The following TEX36 variants were observed in gnomAD, a reference collection of about 807,000 sequenced individuals.
The protein encoded by TEX36 is testis expressed 36.
TEX36 carries 12 observed loss-of-function variants against 13.6 expected under a neutral mutation model. The ratio of observed to expected loss-of-function variants is 0.88; its 90% CI spans 0.56 to 1.43. TEX36 has a LOEUF of 1.43. Among genes scored for constraint, TEX36 ranks in the 40% most tolerant of loss-of-function variants. The pLI is 0.00. For missense variants in TEX36, 224 were observed against 228.3 expected, an observed-to-expected ratio of 0.98 and a Z score of 0.12; for synonymous variants, 93 against 83.0, an observed-to-expected ratio of 1.12 and a Z score of -0.65.
intron 3 of TEX36, among the ~76,000 whole-genome samples, chr10:125,578,775 G>A (rs988599022): frequency 5.3e-5 from 8 of 152,138 alleles, no homozygotes; most frequent in African/African-American, 1.9e-4. Flanking sequence ...CCACAGGAGT[G>A]AGAGCAACCT....
intron 3 of TEX36, among the ~76,000 whole-genome samples, chr10:125,593,061 G>T (rs901880934): frequency 6.6e-6 from 1 of 152,182 alleles, no homozygotes; most frequent in East Asian, 1.9e-4. Flanking sequence ...CTGGCCACTG[G>T]TGATGAAATC....
At chr10:125,638,180 C>T (rs1846642960) in intron 3 of TEX36, among the ~76,000 whole-genome samples, 1 of 151,878 alleles carries the variant, frequency 6.6e-6, no homozygotes, top group African/African-American at 2.4e-5. Context: ...CCCCATCCCC[C>T]ACTGCCAGAA....
intron 1 of TEX36, chr10:125,667,568 A>C: frequency 1.4e-6 from 1 of 738,568 alleles, no homozygotes; most frequent in Non-Finnish European, 2.5e-6. Context: ...CAGCCCATAC[A>C]ACCCTTGGGT....
intron 3 of TEX36, among the ~76,000 whole-genome samples, chr10:125,615,583 A>G (rs1308789676): frequency 1.3e-5 from 2 of 151,370 alleles, no homozygotes; most frequent in Admixed American, 6.6e-5. Flanking sequence ...GCTGGATTAC[A>G]TTTATTGATT....
At position 125,603,090 on chromosome 10, in the gene TEX36, A is replaced by G. The variant is rs150154381; in HGVS notation, c.265-26216T>C. Among the ~76,000 whole-genome samples the G allele has an allele frequency of 7.9e-5, 12 of 152,320 alleles. No individual in the cohort carries two copies. The East Asian group carries it at 2.3e-3, about 29-fold the overall frequency. On this transcript the variant is annotated intron_variant, in intron 3 of 3. Coordinates refer to the TEX36 transcript ENST00000532135. The stretch of plus-strand genomic sequence containing the variant: ...AAGCATGACAGAACTGGGCAGAAAG[A>G]GACTCGGACCATTTTTCAGGAGCGA...
intron 1 of TEX36, among the ~76,000 whole-genome samples, chr10:125,674,019 A>C (rs1401809355): frequency 2.0e-5 from 3 of 152,136 alleles, no homozygotes; most frequent in Admixed American, 6.5e-5. Flanking sequence ...ACGTTTTCCA[A>C]CTTGGTTCTG....
intron 3 of TEX36, among the ~76,000 whole-genome samples, chr10:125,586,587 C>T (rs756132471): frequency 2.9e-5 from 4 of 137,276 alleles, no homozygotes; most frequent in Non-Finnish European, 4.5e-5. Context: ...CCCGGGAGTT[C>T]GAGACCAGCC....
intron 3 of TEX36, among the ~76,000 whole-genome samples, chr10:125,630,011 C>G (rs1237580378): frequency 6.6e-6 from 1 of 152,176 alleles, no homozygotes; most frequent in East Asian, 1.9e-4. Context: ...GACCAGAAGA[C>G]ATACAATATT....
chr10:125,648,815 A>G (rs905376673), intron 3 of TEX36, among the ~76,000 whole-genome samples: 23 of 152,242 alleles, frequency 1.5e-4, no homozygotes, highest in African/African-American at 5.3e-4. Flanking sequence ...AGAAGTCCTT[A>G]AATAATGGAG....
At chr10:125,668,357 C>T (rs1847162310) in intron 1 of TEX36, among the ~76,000 whole-genome samples, 1 of 151,422 alleles carries the variant, frequency 6.6e-6, no homozygotes, top group Non-Finnish European at 1.5e-5. Flanking sequence ...CAGCATTGCT[C>T]TGTTCAGATT....
downstream of TEX36, among the ~76,000 whole-genome samples, chr10:125,652,065 G>A (rs975219198): frequency 1.6e-4 from 25 of 152,172 alleles, no homozygotes; most frequent in Admixed American, 2.6e-4. Context: ...CGGCCTTACT[G>A]CCCAAGGTAA....
intron 3 of TEX36, among the ~76,000 whole-genome samples, chr10:125,596,590 T>C (rs1029822286): frequency 6.6e-5 from 10 of 152,214 alleles, no homozygotes; most frequent in African/African-American, 2.2e-4. Flanking sequence ...ATAATAAATA[T>C]GTGTTGTTTA....
At chr10:125,656,249 C>CTTTTTTTTTTTTTT (rs66461124) in intron 3 of TEX36, 53 bp from the exon 4 acceptor site, 1 of 239,408 alleles carries the variant, frequency 4.2e-6, no homozygotes, top group Non-Finnish European at 6.4e-6. Context: ...TCACATAGTT[C>CTTTTTTTTTTTTTT]TTTTTTTTTT....
chr10:125,585,223 C>T (rs1042587451), intron 3 of TEX36, among the ~76,000 whole-genome samples: 9 of 152,038 alleles, frequency 5.9e-5, no homozygotes, highest in African/African-American at 1.9e-4. Context: ...CGAGGGGCTG[C>T]GAGGAGGAGC....
At chr10:125,653,047 A>C (rs1846884766), downstream of TEX36, among the ~76,000 whole-genome samples, 1 of 152,202 alleles carries the variant, frequency 6.6e-6, no homozygotes, top group African/African-American at 2.4e-5. Context: ...TGGGACTGTA[A>C]ACTAGTTCAA....
chr10:125,603,496 G>C (rs1018572696), intron 3 of TEX36, among the ~76,000 whole-genome samples: 1 of 152,054 alleles, frequency 6.6e-6, no homozygotes, highest in Non-Finnish European at 1.5e-5. Flanking sequence ...CCAGCCCCCA[G>C]GAGAACTTGT....
chr10:125,681,822 G>A (rs1472868237), intron 1 of TEX36, among the ~76,000 whole-genome samples: 1 of 152,108 alleles, frequency 6.6e-6, no homozygotes, highest in African/African-American at 2.4e-5. Context: ...TTAATGAGTC[G>A]TGAATCCCCC....
downstream of TEX36, among the ~76,000 whole-genome samples, chr10:125,654,106 T>C (rs565815134): frequency 2.0e-5 from 3 of 152,316 alleles, no homozygotes; most frequent in South Asian, 6.2e-4. Context: ...ATCACTTTTA[T>C]GAATGATATA....
intron 3 of TEX36, among the ~76,000 whole-genome samples, chr10:125,630,067 T>G (rs962664385): frequency 3.9e-5 from 6 of 152,232 alleles, no homozygotes; most frequent in Non-Finnish European, 7.4e-5. Flanking sequence ...AGTCCTCAAA[T>G]AGTTCTGATT....
Sources: gnomAD v4.1 joint callset for allele counts (sites outside exome capture counted in the v4.1 genomes callset) on GRCh38, gnomAD v4.1.1 for gene constraint, MANE v1.5 for transcripts, NCBI Gene and HGNC (gene_info 2026-07-23, HGNC 2026-07-21) for gene names.